Variants in GABRB3 observed in about 807,000 individuals in gnomAD.
GABRB3 encodes gamma-aminobutyric acid receptor subunit beta-3.
GABRB3 carries 14 observed loss-of-function variants against 52.1 expected under a neutral mutation model. The observed-to-expected ratio is 0.27, with a 90% CI of 0.18 to 0.42. GABRB3 has a LOEUF of 0.42. Among genes scored for constraint, GABRB3 ranks in the 10% least tolerant of loss-of-function variants. The pLI, the probability that GABRB3 is intolerant of heterozygous loss-of-function variation, is 1.00. For synonymous variants in GABRB3, 260 were observed against 232.3 expected, an observed-to-expected ratio of 1.12 and a Z score of -1.08; for missense variants, 307 against 609.1, an observed-to-expected ratio of 0.50 and a Z score of 5.22.
At chr15:26,642,004 C>T (rs181312966) in intron 3 of GABRB3, among the ~76,000 whole-genome samples, 1 of 152,014 alleles carries the variant, frequency 6.6e-6, no homozygotes, top group Non-Finnish European at 1.5e-5. Flanking sequence ...ATCCTCCCAA[C>T]TCAGCCTCTC....
chr15:26,548,698 G>A (rs921300307), intron 8 of GABRB3, among the ~76,000 whole-genome samples: 1 of 152,138 alleles, frequency 6.6e-6, no homozygotes, highest in African/African-American at 2.4e-5. Context: ...GGTTCTGGCA[G>A]GAGACTTCTT....
intron 3 of GABRB3, chr15:26,628,956 G>T (rs1358383988): frequency 1.3e-6 from 2 of 1,535,432 alleles, no homozygotes. Flanking sequence ...ACTGCCGAGA[G>T]CCCGCGTCCC....
At chr15:26,743,941 C>G (rs1467903226) in intron 3 of GABRB3, among the ~76,000 whole-genome samples, 1 of 151,916 alleles carries the variant, frequency 6.6e-6, no homozygotes, top group Non-Finnish European at 1.5e-5. Context: ...CAACTCTCCC[C>G]GCTAAGTAGG....
At chr15:26,643,622 CTGTGTGTG>C (rs57144395) in intron 3 of GABRB3, among the ~76,000 whole-genome samples, 31 of 149,614 alleles carry the variant, frequency 2.1e-4, no homozygotes, top group African/African-American at 6.9e-4. Flanking sequence ...TTTCATGACA[CTGTGTGTG>C]TGTGTGTGTG....
intron 3 of GABRB3, among the ~76,000 whole-genome samples, chr15:26,712,656 G>C (rs1472403710): frequency 1.3e-5 from 2 of 152,162 alleles, no homozygotes; most frequent in Non-Finnish European, 2.9e-5. Flanking sequence ...CTTGGGAGAA[G>C]TGACAGCTTG....
At chr15:26,717,117 A>ACCCAACCACAGCCCAGCTCTGAGGACC in intron 3 of GABRB3, among the ~76,000 whole-genome samples, 1 of 75,972 alleles carries the variant, frequency 1.3e-5, no homozygotes, top group African/African-American at 5.1e-5. Flanking sequence ...TTCTGGGGAC[A>ACCCAACCACAGCCCAGCTCTGAGGACC]TCCGCCCAAT....
chr15:26,746,391 A>G (rs529421252), intron 3 of GABRB3, among the ~76,000 whole-genome samples: 3 of 152,218 alleles, frequency 2.0e-5, no homozygotes, highest in Non-Finnish European at 4.4e-5. Context: ...ATTTTTTCTA[A>G]GTGTACGGAG....
chr15:26,613,524 C>T (rs956191074), intron 4 of GABRB3: 1 of 151,876 alleles, frequency 6.6e-6, no homozygotes, highest in Admixed American at 6.6e-5. Context: ...GGATTGAACA[C>T]CTAAATGGAA....
chr15:26,643,044 G>GCTGA (rs1893249350), intron 3 of GABRB3, among the ~76,000 whole-genome samples: 1 of 152,068 alleles, frequency 6.6e-6, no homozygotes, highest in Non-Finnish European at 1.5e-5. Context: ...AGAACCCTCA[G>GCTGA]CTGACACCTC....
At chr15:26,760,804 C>T (rs538836489) in intron 3 of GABRB3, among the ~76,000 whole-genome samples, 27 of 89,610 alleles carry the variant, frequency 3.0e-4, no homozygotes, top group African/African-American at 7.5e-4. Flanking sequence ...CACACACACG[C>T]GCACGCACAC....
intron 3 of GABRB3, among the ~76,000 whole-genome samples, chr15:26,705,812 T>C (rs906791457): frequency 6.6e-6 from 1 of 152,124 alleles, no homozygotes; most frequent in Non-Finnish European, 1.5e-5. Context: ...TCCTGGGTTT[T>C]CACAGTTCAC....
chr15:26,554,041 T>TTATATATATATTTA, intron 8 of GABRB3, among the ~76,000 whole-genome samples: 1 of 62,106 alleles, frequency 1.6e-5, no homozygotes, highest in Non-Finnish European at 3.2e-5. Context: ...ATATATTTAT[T>TTATATATATATTTA]TATTTATATT....
intron 3 of GABRB3, among the ~76,000 whole-genome samples, chr15:26,687,049 C>T (rs2140657612): frequency 6.6e-6 from 1 of 152,332 alleles, no homozygotes; most frequent in African/African-American, 2.4e-5. Context: ...GGCGAGCTGG[C>T]TCTGGGACCT....
chr15:26,609,609 G>C (rs1054035066), intron 4 of GABRB3, among the ~76,000 whole-genome samples: 4 of 152,038 alleles, frequency 2.6e-5, no homozygotes, highest in African/African-American at 9.7e-5. Context: ...TGTGTGGTTA[G>C]GCAGCTGCTA....
intron 3 of GABRB3, among the ~76,000 whole-genome samples, chr15:26,694,736 G>A (rs1305958569): frequency 6.6e-6 from 1 of 152,182 alleles, no homozygotes; most frequent in Non-Finnish European, 1.5e-5. Context: ...AGATACAGCA[G>A]AGATTTTGTA....
intron 3 of GABRB3, among the ~76,000 whole-genome samples, chr15:26,640,243 C>T (rs756012520): frequency 6.6e-6 from 1 of 152,072 alleles, no homozygotes. Context: ...GTTGGCCGGG[C>T]GCGGTGGCTC....
At chr15:26,579,607 G>A (rs749947675) in intron 6 of GABRB3, among the ~76,000 whole-genome samples, 16 of 152,186 alleles carry the variant, frequency 1.1e-4, no homozygotes, top group Non-Finnish European at 1.6e-4. Flanking sequence ...TCTCTGAAAT[G>A]CTTTACATTT....
intron 3 of GABRB3, among the ~76,000 whole-genome samples, chr15:26,745,702 A>T (rs1249179843): frequency 6.6e-6 from 1 of 152,194 alleles, no homozygotes; most frequent in Non-Finnish European, 1.5e-5. Context: ...ATTATTTCAT[A>T]ATAATTATGT....
intron 3 of GABRB3, among the ~76,000 whole-genome samples, chr15:26,716,271 G>A (rs546428907): frequency 4.1e-4 from 62 of 152,194 alleles, no homozygotes; most frequent in African/African-American, 1.4e-3. Flanking sequence ...ATGGGTGTGC[G>A]CTGGGAGTGG....
Sources: gnomAD v4.1 joint callset for allele counts (sites outside exome capture counted in the v4.1 genomes callset) on GRCh38, gnomAD v4.1.1 for gene constraint, MANE v1.5 for transcripts, NCBI Gene and HGNC (gene_info 2026-07-23, HGNC 2026-07-21) for gene names.